The following NPAS3 variants were observed in gnomAD, a reference collection of about 807,000 sequenced individuals.
NPAS3 encodes neuronal PAS domain protein 3.
NPAS3 carries 14 observed loss-of-function variants against 73.1 expected under a neutral mutation model. The observed-to-expected ratio is 0.19, with a 90% CI of 0.13 to 0.30. The LOEUF (loss-of-function observed/expected upper bound fraction) is 0.30. Among genes scored for constraint, NPAS3 ranks in the 10% least tolerant of loss-of-function variants. The probability of loss-of-function intolerance (pLI) is 1.00; values close to 1 mark genes in which losing one functional copy is unlikely to be tolerated. For synonymous variants in NPAS3, 620 were observed against 541.5 expected, an observed-to-expected ratio of 1.14 and a Z score of -2.01; for missense variants, 1,096 against 1,250.0, an observed-to-expected ratio of 0.88 and a Z score of 1.86.
chr14:33,240,749 T>C (rs2048188030), intron 3 of NPAS3, among the ~76,000 whole-genome samples: 1 of 151,942 alleles, frequency 6.6e-6, no homozygotes. Flanking sequence ...TTTGTAATCT[T>C]TAAAATGTAG....
At chr14:33,068,966 C>A (rs535084868) in intron 2 of NPAS3, among the ~76,000 whole-genome samples, 1 of 152,162 alleles carries the variant, frequency 6.6e-6, no homozygotes, top group Middle Eastern at 3.4e-3. Context: ...GGAGGGACTT[C>A]GGCTTTTGTT....
chr14:33,225,349 G>T (rs1230884456), intron 3 of NPAS3, among the ~76,000 whole-genome samples: 1 of 152,156 alleles, frequency 6.6e-6, no homozygotes, highest in African/African-American at 2.4e-5. Context: ...TCTTGTGAAG[G>T]TTATGACTAG....
intron 6 of NPAS3, among the ~76,000 whole-genome samples, chr14:33,702,355 A>G (rs993427034): frequency 1.3e-5 from 2 of 152,220 alleles, no homozygotes; most frequent in East Asian, 3.8e-4. Flanking sequence ...AGTCATTTTC[A>G]GTGCTTTTGA....
chr14:33,278,918 A>G (rs1236924431), intron 3 of NPAS3, among the ~76,000 whole-genome samples: 3 of 152,204 alleles, frequency 2.0e-5, no homozygotes, highest in Non-Finnish European at 4.4e-5. Flanking sequence ...GAAGAACAGC[A>G]TAATAATAGA....
chr14:33,127,517 G>T (rs527433737), intron 2 of NPAS3, among the ~76,000 whole-genome samples: 1 of 152,186 alleles, frequency 6.6e-6, no homozygotes, highest in African/African-American at 2.4e-5. Flanking sequence ...CTCTACTTGT[G>T]TTACTTTGGG....
chr14:33,014,334 A>G (rs1246029051), intron 1 of NPAS3, among the ~76,000 whole-genome samples: 1 of 152,198 alleles, frequency 6.6e-6, no homozygotes, highest in African/African-American at 2.4e-5. Flanking sequence ...TGAAAAACAT[A>G]TAAATAATTG....
intron 2 of NPAS3, among the ~76,000 whole-genome samples, chr14:33,197,955 G>C (rs367695298): frequency 6.6e-6 from 1 of 152,152 alleles, no homozygotes; most frequent in South Asian, 2.1e-4. Context: ...GGACGTGTTC[G>C]GAGTTTCTTC....
At chr14:32,971,777 TG>T (rs1193646480) in intron 1 of NPAS3, among the ~76,000 whole-genome samples, 1 of 152,154 alleles carries the variant, frequency 6.6e-6, no homozygotes, top group Non-Finnish European at 1.5e-5. Context: ...TCCATAATCA[TG>T]GTCTCCAAAC....
At chr14:33,086,087 A>T (rs959240523) in intron 2 of NPAS3, among the ~76,000 whole-genome samples, 10 of 152,232 alleles carry the variant, frequency 6.6e-5, no homozygotes, top group Non-Finnish European at 1.2e-4. Flanking sequence ...AAGGCTGTAG[A>T]TACTCACACA....
At chr14:33,484,820 T>C (rs1247191659) in intron 4 of NPAS3, among the ~76,000 whole-genome samples, 1 of 152,134 alleles carries the variant, frequency 6.6e-6, no homozygotes, top group Non-Finnish European at 1.5e-5. Flanking sequence ...CCAGGGACTT[T>C]AAAGCTGTGG....
At chr14:33,501,092 T>C (rs1224911783) in intron 4 of NPAS3, among the ~76,000 whole-genome samples, 1 of 152,060 alleles carries the variant, frequency 6.6e-6, no homozygotes, top group East Asian at 1.9e-4. Context: ...CTACCAGAAG[T>C]CATATCAATA....
At chr14:33,665,925 T>C (rs2059438583) in intron 5 of NPAS3, among the ~76,000 whole-genome samples, 1 of 152,026 alleles carries the variant, frequency 6.6e-6, no homozygotes, top group Non-Finnish European at 1.5e-5. Flanking sequence ...ACAAATGAGA[T>C]AAAAATCATG....
chr14:33,781,611 G>A (rs952700728), intron 9 of NPAS3, among the ~76,000 whole-genome samples: 4 of 152,144 alleles, frequency 2.6e-5, no homozygotes, highest in African/African-American at 9.7e-5. Flanking sequence ...ACAAAGGGAT[G>A]GTTAAAAAAT....
intron 3 of NPAS3, among the ~76,000 whole-genome samples, chr14:33,327,753 G>A (rs929021387): frequency 1.1e-4 from 16 of 152,098 alleles, no homozygotes; most frequent in African/African-American, 3.4e-4. Context: ...AGAAATGGAA[G>A]CATTAAAACA....
At chr14:33,573,214 C>T (rs1156611992) in intron 5 of NPAS3, among the ~76,000 whole-genome samples, 1 of 152,050 alleles carries the variant, frequency 6.6e-6, no homozygotes, top group Non-Finnish European at 1.5e-5. Flanking sequence ...CCATGACACT[C>T]AACCACGCTT....
chr14:33,754,071 A>G (rs2062041578), intron 7 of NPAS3, among the ~76,000 whole-genome samples: 1 of 152,184 alleles, frequency 6.6e-6, no homozygotes. Context: ...TATGAAAAGC[A>G]GGAGAAACAT....
chr14:33,556,000 C>T (rs1473469802), intron 4 of NPAS3, among the ~76,000 whole-genome samples: 1 of 151,804 alleles, frequency 6.6e-6, no homozygotes, highest in Non-Finnish European at 1.5e-5. Context: ...ATTGAATTGA[C>T]TGGATGTCTT....
At chr14:32,942,833 G>T (rs1395011241) in intron 1 of NPAS3, among the ~76,000 whole-genome samples, 1 of 152,138 alleles carries the variant, frequency 6.6e-6, no homozygotes, top group Non-Finnish European at 1.5e-5. Flanking sequence ...TCGAAAATAT[G>T]AAATAGGATG....
At chr14:33,477,497 C>T (rs545710596) in intron 4 of NPAS3, among the ~76,000 whole-genome samples, 16 of 152,180 alleles carry the variant, frequency 1.1e-4, no homozygotes, top group Non-Finnish European at 1.8e-4. Context: ...ACATACAACA[C>T]GCTCATTCAC....
Sources: gnomAD v4.1 joint callset for allele counts (sites outside exome capture counted in the v4.1 genomes callset) on GRCh38, gnomAD v4.1.1 for gene constraint, MANE v1.5 for transcripts, NCBI Gene and HGNC (gene_info 2026-07-23, HGNC 2026-07-21) for gene names.